The following PTPRD variants were observed in gnomAD, a reference collection of about 807,000 sequenced individuals.
The protein encoded by PTPRD is receptor-type tyrosine-protein phosphatase delta.
Under a neutral mutation model 214.5 loss-of-function variants are expected in PTPRD, and 34 were observed. That is an observed-to-expected ratio of 0.16 (90% confidence interval 0.12 to 0.21). The LOEUF is 0.21. Among genes scored for constraint, PTPRD ranks in the 10% least tolerant of loss-of-function variants. The pLI is 1.00. For synonymous variants in PTPRD, 1,128 were observed against 845.7 expected (o/e 1.33, Z -5.79); for missense variants, 2,545 against 2,398.7 (o/e 1.06, Z -1.27).
intron 3 of PTPRD, among the ~76,000 whole-genome samples, chr9:10,076,380 C>G (rs2098132110): frequency 6.6e-6 from 1 of 152,110 alleles, no homozygotes; most frequent in African/African-American, 2.4e-5. Context: ...TTACCTTCCT[C>G]AGCTCTGTTT....
chr9:9,116,939 T>C (rs1440430731), intron 10 of PTPRD, among the ~76,000 whole-genome samples: 2 of 152,142 alleles, frequency 1.3e-5, no homozygotes, highest in Non-Finnish European at 2.9e-5. Flanking sequence ...GCCTGACCCA[T>C]AGTATGGATA....
intron 3 of PTPRD, among the ~76,000 whole-genome samples, chr9:10,224,958 G>A (rs765240671): frequency 6.6e-6 from 1 of 152,000 alleles, no homozygotes; most frequent in Non-Finnish European, 1.5e-5. Flanking sequence ...TTAATTAACT[G>A]TTTATGTTAT....
intron 27 of PTPRD, among the ~76,000 whole-genome samples, chr9:8,489,632 A>G (rs551178624): frequency 6.6e-6 from 1 of 152,346 alleles, no homozygotes; most frequent in South Asian, 2.1e-4. Context: ...AAGCATGTGA[A>G]TAATAGAAAC....
chr9:9,609,728 G>T (rs1260376819), intron 7 of PTPRD, among the ~76,000 whole-genome samples: 1 of 152,150 alleles, frequency 6.6e-6, no homozygotes, highest in Non-Finnish European at 1.5e-5. Context: ...CTCCCAAAGC[G>T]CTGGGATCAC....
chr9:8,884,321 T>C (rs1359577108), intron 11 of PTPRD, among the ~76,000 whole-genome samples: 2 of 152,192 alleles, frequency 1.3e-5, no homozygotes, highest in Non-Finnish European at 2.9e-5. Context: ...CGATTGCCTG[T>C]TGCTGTTTAG....
At chr9:9,342,131 T>C (rs1000368293) in intron 9 of PTPRD, among the ~76,000 whole-genome samples, 1 of 152,166 alleles carries the variant, frequency 6.6e-6, no homozygotes, top group Non-Finnish European at 1.5e-5. Flanking sequence ...GAAAAGTTTT[T>C]CAGTAGCATA....
At chr9:10,026,504 T>C (rs1207438467) in intron 4 of PTPRD, among the ~76,000 whole-genome samples, 2 of 152,202 alleles carry the variant, frequency 1.3e-5, no homozygotes, top group Middle Eastern at 3.2e-3. Context: ...ACTGTTTTAA[T>C]AGAGTGAAAC....
intron 2 of PTPRD, among the ~76,000 whole-genome samples, chr9:10,531,012 C>A (rs1032916342): frequency 3.3e-5 from 5 of 151,792 alleles, no homozygotes; most frequent in Admixed American, 1.3e-4. Flanking sequence ...TGCCACTGTG[C>A]GATTGTGGCT....
chr9:9,668,512 G>C (rs1366306652), intron 7 of PTPRD, among the ~76,000 whole-genome samples: 2 of 152,016 alleles, frequency 1.3e-5, no homozygotes, highest in Non-Finnish European at 2.9e-5. Context: ...CTTCTAAACA[G>C]ATCCAATTAA....
rs987912682 is a variant in PTPRD at position 9,812,847 on chromosome 9, C to A, written c.-367-45996G>T. Among the ~76,000 whole-genome samples the A allele has an allele frequency of 3.3e-5, 5 of 152,078 alleles. No individual in the cohort carries two copies. In the East Asian group the frequency reaches 5.8e-4, roughly 18 times the overall value. On this transcript the variant is annotated intron_variant, in intron 5 of 45. Transcript: ENST00000381196. Reference sequence around the variant, plus strand: ...AGAAGACACATTCTTCTCAAGTGTACGCAGAATATTCTCCAGGGTATATTG... The same window carrying A: ...AGAAGACACATTCTTCTCAAGTGTAAGCAGAATATTCTCCAGGGTATATTG...
At chr9:9,536,597 G>C (rs1304084010) in intron 8 of PTPRD, among the ~76,000 whole-genome samples, 1 of 151,998 alleles carries the variant, frequency 6.6e-6, no homozygotes, top group Admixed American at 6.6e-5. Context: ...CAATATGTCA[G>C]CACCTTTGCC....
intron 3 of PTPRD, among the ~76,000 whole-genome samples, chr9:10,323,674 A>T (rs753246681): frequency 3.6e-4 from 54 of 151,882 alleles, no homozygotes; most frequent in Non-Finnish European, 3.8e-4. Flanking sequence ...TTGATAATAA[A>T]TGTCATCTGT....
At chr9:9,818,574 T>C (rs971559705) in intron 5 of PTPRD, among the ~76,000 whole-genome samples, 2 of 152,144 alleles carry the variant, frequency 1.3e-5, no homozygotes, top group African/African-American at 4.8e-5. Flanking sequence ...GAAAACTACA[T>C]TGTGATTGTG....
intron 4 of PTPRD, among the ~76,000 whole-genome samples, chr9:9,960,233 A>AG (rs2094261008): frequency 6.6e-6 from 1 of 151,914 alleles, no homozygotes; most frequent in Non-Finnish European, 1.5e-5. Context: ...AAAAAAAAAA[A>AG]AAAATAGTGT....
At chr9:10,312,474 C>T (rs763996636) in intron 3 of PTPRD, among the ~76,000 whole-genome samples, 24 of 151,756 alleles carry the variant, frequency 1.6e-4, no homozygotes, top group Non-Finnish European at 2.9e-4. Context: ...AACGGATTTT[C>T]AATAGGAAAA....
intron 3 of PTPRD, among the ~76,000 whole-genome samples, chr9:10,132,806 G>T (rs1216621130): frequency 1.3e-5 from 2 of 152,272 alleles, no homozygotes; most frequent in East Asian, 3.9e-4. Flanking sequence ...GATATATTGA[G>T]GCCCAGAGGC....
Position 8,618,866 on chromosome 9 carries a change from T to TG in PTPRD, c.352+14450_352+14451insC, listed in dbSNP as rs2095702673. Among the ~76,000 whole-genome samples the TG allele has an allele frequency of 3.1e-5, 4 of 130,968 alleles. No homozygotes were observed. In the East Asian group the frequency reaches 6.8e-4, roughly 22 times the overall value. The allele number at this position is 130,968 out of a possible 152,430, so 85.9% of individuals were successfully genotyped here. A position where few individuals can be genotyped will look rare whatever the true frequency, so the allele number is the denominator to read the frequency against. On this transcript the variant is annotated intron_variant, in intron 14 of 45. Transcript: ENST00000381196. ...TGCATGCCACCACACCCAGCTAATTTTGTGTGTGTGTGTGTGTGTGTGTGT... is the reference window on the plus strand; with the variant it reads ...TGCATGCCACCACACCCAGCTAATTTGTGTGTGTGTGTGTGTGTGTGTGTGT...
At chr9:9,907,927 TCA>T (rs978811403) in intron 5 of PTPRD, among the ~76,000 whole-genome samples, 26 of 152,148 alleles carry the variant, frequency 1.7e-4, no homozygotes, top group Middle Eastern at 3.4e-3. Context: ...GTGTAACAAC[TCA>T]CAATTTTTGC....
At chr9:9,307,795 G>A (rs1957600179) in intron 9 of PTPRD, among the ~76,000 whole-genome samples, 1 of 152,128 alleles carries the variant, frequency 6.6e-6, no homozygotes, top group African/African-American at 2.4e-5. Flanking sequence ...TCTATCATTT[G>A]TTAATTGACC....
Sources: gnomAD v4.1 joint callset for allele counts (sites outside exome capture counted in the v4.1 genomes callset) on GRCh38, gnomAD v4.1.1 for gene constraint, MANE v1.5 for transcripts, NCBI Gene and HGNC (gene_info 2026-07-23, HGNC 2026-07-21) for gene names.